Variants in DENND1A observed in about 807,000 individuals in gnomAD.
DENND1A encodes DENN domain containing 1A.
Under a neutral mutation model 113.7 loss-of-function variants are expected in DENND1A, and 51 were observed. That is an observed-to-expected ratio of 0.45 (90% CI 0.36 to 0.57). The LOEUF is 0.57. DENND1A is among the 20% of genes least tolerant of loss of function. The pLI is 0.00. For synonymous variants in DENND1A, 565 were observed against 570.8 expected (o/e 0.99, Z 0.14); for missense variants, 1,258 against 1,395.9 (o/e 0.90, Z 1.57).
At chr9:123,903,800 C>T (rs896919187) in intron 1 of DENND1A, among the ~76,000 whole-genome samples, 13 of 152,250 alleles carry the variant, frequency 8.5e-5, no homozygotes, top group South Asian at 2.1e-4. Context: ...GGGGGAGGGG[C>T]GCCCGCCATT....
At chr9:123,649,266 A>G (rs984070941) in intron 9 of DENND1A, among the ~76,000 whole-genome samples, 6 of 152,198 alleles carry the variant, frequency 3.9e-5, no homozygotes, top group Non-Finnish European at 7.3e-5. Flanking sequence ...GAGGACCATA[A>G]AAGTTTTCCC....
chr9:123,516,255 C>A (rs779327778), intron 13 of DENND1A, among the ~76,000 whole-genome samples: 1 of 151,868 alleles, frequency 6.6e-6, no homozygotes, highest in Non-Finnish European at 1.5e-5. Context: ...GGGGTGTGTA[C>A]TCTGTACTTT....
At chr9:123,749,760 A>G (rs1564193916) in intron 5 of DENND1A, among the ~76,000 whole-genome samples, 1 of 152,106 alleles carries the variant, frequency 6.6e-6, no homozygotes, top group Non-Finnish European at 1.5e-5. Flanking sequence ...GTGGGTAGAG[A>G]GCAAAAAACA....
chr9:123,449,234 G>T (rs1480407383), intron 18 of DENND1A, among the ~76,000 whole-genome samples: 3 of 152,180 alleles, frequency 2.0e-5, no homozygotes. Flanking sequence ...CTTAAGAGGA[G>T]CTTAAAGAAG....
At chr9:123,396,350 C>T (rs532810735) in intron 21 of DENND1A, among the ~76,000 whole-genome samples, 1 of 152,356 alleles carries the variant, frequency 6.6e-6, no homozygotes, top group Admixed American at 6.5e-5. Flanking sequence ...CACCAGGCCG[C>T]CATCCAAATG....
chr9:123,467,468 A>C (rs954832333), intron 13 of DENND1A, among the ~76,000 whole-genome samples: 7 of 152,200 alleles, frequency 4.6e-5, no homozygotes, highest in Non-Finnish European at 1.0e-4. Flanking sequence ...ATCCTGGCCA[A>C]CATGGTGAAG....
intron 13 of DENND1A, among the ~76,000 whole-genome samples, chr9:123,547,123 C>T (rs573050720): frequency 6.6e-5 from 10 of 152,306 alleles, no homozygotes; most frequent in South Asian, 6.2e-4. Flanking sequence ...GTCCCTGTGA[C>T]GTGGGCAGTG....
At chr9:123,701,494 G>C (rs2065882029) in intron 5 of DENND1A, among the ~76,000 whole-genome samples, 1 of 152,124 alleles carries the variant, frequency 6.6e-6, no homozygotes, top group South Asian at 2.1e-4. Context: ...ATAAAACCCA[G>C]CATCAGGCAG....
chr9:123,400,725 G>A (rs2043392879), intron 21 of DENND1A: 1 of 152,110 alleles, frequency 6.6e-6, no homozygotes, highest in Admixed American at 6.6e-5. Flanking sequence ...GAATTACAGG[G>A]GTGCGCCACC....
Position 123,928,872 on chromosome 9 carries a change from TC to T in DENND1A, c.17+1016del, listed in dbSNP as rs370444034. ...CTTTCTTGTAAGAGGGTTTAAAGTG[TC>T]CTAGGAAAGTTGTTTTACAGAAAAG... On this transcript the variant is annotated intron_variant, in intron 1 of 23. Coordinates refer to ENST00000394215, the MANE Select transcript of DENND1A (RefSeq NM_001352964.2). 86 of 985,458 alleles carry T rather than the reference TC, an allele frequency of 8.7e-5. No homozygotes were observed. In the East Asian group the frequency reaches 8.2e-3, roughly 94 times the overall value. The allele number at this position is 985,458 out of a possible 1,614,324, so 61.0% of individuals were successfully genotyped here. A position where few individuals can be genotyped will look rare whatever the true frequency, so the allele number is the denominator to read the frequency against.
chr9:123,575,895 A>G (rs2058609199), intron 12 of DENND1A, among the ~76,000 whole-genome samples: 1 of 152,232 alleles, frequency 6.6e-6, no homozygotes, highest in Admixed American at 6.5e-5. Flanking sequence ...AAATTATACA[A>G]TTGGGTCTTG....
At chr9:123,702,270 G>T (rs909358360) in intron 5 of DENND1A, among the ~76,000 whole-genome samples, 2 of 151,466 alleles carry the variant, frequency 1.3e-5, no homozygotes, top group Non-Finnish European at 2.9e-5. Flanking sequence ...GGATAAAAAA[G>T]GAAAAAAAAG....
At chr9:123,732,927 G>A (rs920633153) in intron 5 of DENND1A, among the ~76,000 whole-genome samples, 2 of 152,178 alleles carry the variant, frequency 1.3e-5, no homozygotes, top group African/African-American at 2.4e-5. Context: ...ATGAGAGAGC[G>A]CATGGACAGC....
intron 19 of DENND1A, chr9:123,414,518 G>A: frequency 6.5e-7 from 1 of 1,547,602 alleles, no homozygotes; most frequent in East Asian, 2.4e-5. Context: ...AGGGAAAAAA[G>A]GAGGTTCCCC....
chr9:123,806,993 A>C (rs766414868), intron 2 of DENND1A, among the ~76,000 whole-genome samples: 21 of 152,238 alleles, frequency 1.4e-4, no homozygotes, highest in Non-Finnish European at 2.5e-4. Flanking sequence ...GCATCATTGC[A>C]AAAATTGAAA....
intron 5 of DENND1A, among the ~76,000 whole-genome samples, chr9:123,726,590 C>G (rs1327045722): frequency 6.6e-6 from 1 of 152,100 alleles, no homozygotes. Context: ...CTGGCTTTTA[C>G]CAGTTGCTCA....
chr9:123,568,112 A>G (rs1461629162), intron 12 of DENND1A, among the ~76,000 whole-genome samples: 1 of 152,216 alleles, frequency 6.6e-6, no homozygotes, highest in Non-Finnish European at 1.5e-5. Context: ...TGTCATAAAC[A>G]TGCATAATAA....
At chr9:123,753,504 T>A (rs886791402) in intron 5 of DENND1A, among the ~76,000 whole-genome samples, 4 of 152,234 alleles carry the variant, frequency 2.6e-5, no homozygotes, top group African/African-American at 9.6e-5. Context: ...CTCTTACAAC[T>A]AGCATGAAAT....
intron 17 of DENND1A, among the ~76,000 whole-genome samples, chr9:123,451,126 A>G (rs1045505940): frequency 1.3e-5 from 2 of 152,218 alleles, no homozygotes; most frequent in African/African-American, 4.8e-5. Flanking sequence ...TCACCAGGGC[A>G]GGGCCCCAGG....
Sources: allele counts gnomAD v4.1 joint callset (sites outside exome capture counted in the v4.1 genomes callset), GRCh38; gene constraint gnomAD v4.1.1; transcripts MANE v1.5; gene names NCBI Gene and HGNC (gene_info 2026-07-23, HGNC 2026-07-21).